The following NPAS1 variants were observed in gnomAD, a reference collection of about 807,000 sequenced individuals.
NPAS1 encodes the protein neuronal PAS domain protein 1.
Under a neutral mutation model 49.2 loss-of-function variants are expected in NPAS1, and 29 were observed. The observed-to-expected ratio is 0.59, with a 90% CI of 0.44 to 0.80. The LOEUF (loss-of-function observed/expected upper bound fraction) is 0.80, where lower values mean the gene tolerates loss of function less well. Ranked by LOEUF, NPAS1 falls within the 30% of genes least tolerant of loss-of-function variation. The pLI, the probability that NPAS1 is intolerant of heterozygous loss-of-function variation, is 0.00. For synonymous variants in NPAS1, 408 were observed against 380.4 expected, an observed-to-expected ratio of 1.07 and a Z score of -0.84; for missense variants, 825 against 835.5, an observed-to-expected ratio of 0.99 and a Z score of 0.15.
At position 47,045,716 on chromosome 19, in the gene NPAS1, G is replaced by A. The variant is rs369741405; in HGVS notation, c.*65G>A. 151 of 1,294,388 alleles carry A rather than the reference G, an allele frequency of 1.2e-4. 3 individuals carry two copies. The South Asian group carries it at 2.1e-3, about 18-fold the overall frequency. 80.2% of individuals were successfully genotyped at this position (1,294,388 alleles called of 1,614,324 possible). On this transcript the variant is annotated 3_prime_UTR_variant, in exon 12 of 12. Transcript: ENST00000602212. Reference sequence around the variant, plus strand: ...GGGGTCCCCCAGGACAGTAGGCCCGGCTCTGCCCGTAGCCCTGAGAATTAA... The same window carrying A: ...GGGGTCCCCCAGGACAGTAGGCCCGACTCTGCCCGTAGCCCTGAGAATTAA...
chr19:47,045,620 C>T lies in NPAS1; in HGVS notation c.1742C>T (p.Ala581Val). 2 of 1,439,840 alleles carry T rather than the reference C, an allele frequency of 1.4e-6. No individual in the cohort carries two copies. Among genetic ancestry groups the T allele is most frequent in the African/African-American group, 1.5e-5 (1 of 67,048 alleles). 89.2% of individuals were successfully genotyped at this position (1,439,840 alleles called of 1,614,324 possible). A position where few individuals can be genotyped will look rare whatever the true frequency, so the allele number is the denominator to read the frequency against. ...CTGGGCCTGCCCTACCCGGGGCCCG[C>T]GGGCACCAGGCTGCCGCGGAAGGGG... ...PPLGLPYPGP[A>V]GTRLPRKGD Residue 581 changes from alanine to valine, a missense_variant, in exon 12 of 12, where the codon GCG (alanine) becomes GTG (valine). Ala to Val is a moderately conservative substitution (Grantham distance 64). Transcript: ENST00000602212.
intron 11 of NPAS1, 52 bp from the exon 12 acceptor site, chr19:47,045,139 G>T: frequency 6.4e-7 from 1 of 1,563,654 alleles, no homozygotes; most frequent in Non-Finnish European, 8.7e-7. Context: ...CCACAGATGG[G>T]AAGACTGAGG....
At chr19:47,041,979 CAAAAAAAAAA>C (rs369320245) in intron 10 of NPAS1, among the ~76,000 whole-genome samples, 18 of 96,128 alleles carry the variant, frequency 1.9e-4, no homozygotes, top group African/African-American at 5.4e-4. Flanking sequence ...GACCCTGTCT[CAAAAAAAAAA>C]AAAAAAAAAA....
At position 47,029,864 on chromosome 19, in the gene NPAS1, G is replaced by A. The variant is rs140844969; in HGVS notation, c.359-2414G>A. Among the ~76,000 whole-genome samples, 203 of 152,276 alleles carry A rather than the reference G, an allele frequency of 1.3e-3. 1 individual carries two copies. The highest frequency in any genetic ancestry group is 4.5e-3 in the African/African-American group (187 of 41,554). ...TACACAGAAGTGGATTTGCTAACTCGTATGATAATTCCATGTTAACTTATT... is the reference window on the plus strand; with the variant it reads ...TACACAGAAGTGGATTTGCTAACTCATATGATAATTCCATGTTAACTTATT... On this transcript the variant is annotated intron_variant, in intron 3 of 11. Transcript: ENST00000602212.
chr19:47,023,592 T>C (rs2056854786), intron 3 of NPAS1, among the ~76,000 whole-genome samples: 1 of 152,072 alleles, frequency 6.6e-6, no homozygotes, highest in South Asian at 2.1e-4. Context: ...GGACAGCATT[T>C]TAGCTGAAGC....
intron 6 of NPAS1, among the ~76,000 whole-genome samples, chr19:47,037,873 G>A (rs955426840): frequency 6.6e-6 from 1 of 152,174 alleles, no homozygotes; most frequent in African/African-American, 2.4e-5. Context: ...CTGGATTTGT[G>A]AGTCTTATTT....
Position 47,021,823 on chromosome 19 carries a change from G to A in NPAS1, c.334G>A (p.Ala112Thr), listed in dbSNP as rs1379040553. 1.3e-6 allele frequency: 2 copies of A among 1,509,722 alleles called. No individual in the cohort carries two copies. The highest frequency in any genetic ancestry group is 1.4e-5 in the African/African-American group (1 of 69,270). 93.5% of individuals were successfully genotyped at this position (1,509,722 alleles called of 1,614,324 possible). A position where few individuals can be genotyped will look rare whatever the true frequency, so the allele number is the denominator to read the frequency against. ...GGGGGCGCCGCCCTGGGGGCTGAGA[G>A]CCGCGGGGCCGCCAGCTGGCCTCGG... ...ALGAPPWGLR[A>T]AGPPAGLAPG... Residue 112 changes from alanine (A) to threonine (T), a missense_variant, in exon 3 of 12, where the codon GCC becomes ACC. Transcript: ENST00000602212. The surrounding 1 kb of genome is among the most constrained non-coding windows in gnomAD (Gnocchi z 5.7).
Position 47,045,056 on chromosome 19 carries a change from AC to A in NPAS1, c.1313-134del, listed in dbSNP as rs1568512659. The A allele has an allele frequency of 2.1e-4, 184 of 862,564 alleles. 3 individuals carry two copies. The African/African-American group carries it at 3.3e-3, about 16-fold the overall frequency. 53.4% of individuals were successfully genotyped at this position (862,564 alleles called of 1,614,324 possible). On this transcript the variant is annotated intron_variant, in intron 11 of 11. Coordinates refer to ENST00000602212, the MANE Select transcript of NPAS1 (RefSeq NM_002517.4). Reference sequence around the variant, plus strand: ...CAAAAAAACAAAAAACAAAAACAAAACAAACAAACAAAAAAAAAAACCCCAC... The same window carrying A: ...CAAAAAAACAAAAAACAAAAACAAAAAAACAAACAAAAAAAAAAACCCCAC...
At position 47,042,817 on chromosome 19, in the gene NPAS1, G is replaced by A. The variant is rs369854355; in HGVS notation, c.1225G>A (p.Glu409Lys). 100 of 1,603,382 alleles carry A rather than the reference G, an allele frequency of 6.2e-5. No individual in the cohort carries two copies. The highest frequency in any genetic ancestry group is 8.3e-5 in the Non-Finnish European group (97 of 1,175,202). ...CATCCATCTTCTCCCCAGCCAAGCCGAGGGTGGCCAAACTCCTTTGGATGC... is the reference window on the plus strand; with the variant it reads ...CATCCATCTTCTCCCCAGCCAAGCCAAGGGTGGCCAAACTCCTTTGGATGC... ...LWVSHVLSQA[E>K]GGQTPLDAFQ... Residue 409 changes from glutamate (E) to lysine (K), a missense_variant, in exon 11 of 12, where the codon GAG becomes AAG. Physicochemically the swap from Glu to Lys is moderately conservative, Grantham distance 56. Transcript: ENST00000602212.
In NPAS1 at chr19:47,040,558, C is replaced by T; in HGVS notation, c.1069+8C>T. On this transcript the variant is annotated splice_region_variant and intron_variant, in intron 9 of 11. Coordinates refer to ENST00000602212, the MANE Select transcript of NPAS1 (RefSeq NM_002517.4). ...GCCAGAGCCACGTGGACTGTGAGAC[C>T]CACCTCCACCCACCAAGCCTGCCTA... 6.5e-7 allele frequency: 1 copy of T among 1,542,262 alleles called. No individual in the cohort carries two copies. The highest frequency in any genetic ancestry group is 8.8e-7 in the Non-Finnish European group (1 of 1,134,356).
At chr19:47,032,210 G>T (rs2056910343) in intron 3 of NPAS1, 68 bp from the exon 4 acceptor site, 3 of 1,437,382 alleles carry the variant, frequency 2.1e-6, no homozygotes, top group African/African-American at 1.4e-5. Flanking sequence ...TTGTAGACTG[G>T]CTCCCGGGGG....
rs761857016 is a variant in NPAS1 at position 47,021,194 on chromosome 19, C to G, written c.122+25C>G. 1.3e-6 allele frequency: 2 copies of G among 1,497,612 alleles called. No homozygotes were observed. Among genetic ancestry groups the G allele is most frequent in the Admixed American group, 2.3e-5 (1 of 43,806 alleles). The allele number at this position is 1,497,612 out of a possible 1,614,324, so 92.8% of individuals were successfully genotyped here. ...GGTGAGCAAAGCCCCGCCCCCCTGG[C>G]CGCGGGCCCCCCCCCGGGTCCAATT... On this transcript the variant is annotated intron_variant, in intron 2 of 11. Transcript: ENST00000602212. The surrounding 1 kb of genome is among the most constrained non-coding windows in gnomAD (Gnocchi z 5.7).
At chr19:47,024,371 C>T (rs976847079) in intron 3 of NPAS1, among the ~76,000 whole-genome samples, 2 of 152,178 alleles carry the variant, frequency 1.3e-5, no homozygotes, top group Middle Eastern at 6.8e-3. Flanking sequence ...ACTTTCTTGG[C>T]CGGGTGCGGT....
At chr19:47,042,142 C>A (rs972630043) in intron 10 of NPAS1, among the ~76,000 whole-genome samples, 1 of 152,080 alleles carries the variant, frequency 6.6e-6, no homozygotes, top group Non-Finnish European at 1.5e-5. Flanking sequence ...CTCATCTCTA[C>A]TAAAAATTTA....
intron 5 of NPAS1, among the ~76,000 whole-genome samples, chr19:47,034,798 C>T (rs1206212821): frequency 1.3e-5 from 2 of 152,224 alleles, no homozygotes; most frequent in African/African-American, 4.8e-5. Context: ...ATCACTTGAA[C>T]CCAGGAGGCA....
chr19:47,032,209 G>C, intron 3 of NPAS1, 69 bp from the exon 4 acceptor site: 1 of 1,425,934 alleles, frequency 7.0e-7, no homozygotes, highest in Non-Finnish European at 9.8e-7. Context: ...TTTGTAGACT[G>C]GCTCCCGGGG....
At position 47,042,923 on chromosome 19, in the gene NPAS1, C is replaced by T. The variant is rs371750907; in HGVS notation, c.1312+19C>T. ...CCCACAGGTGAGCCCCACCTCCCAC[C>T]TTGGCCCCTGGGAAGCTCCAAGGAA... On this transcript the variant is annotated intron_variant, in intron 11 of 11. Transcript: ENST00000602212. The T allele has an allele frequency of 6.5e-6, 10 of 1,544,164 alleles. No individual in the cohort carries two copies. The African/African-American group carries it at 1.2e-4, about 19-fold the overall frequency.
rs746867488 is a variant in NPAS1 at position 47,045,294 on chromosome 19, C to T, written c.1416C>T (p.Thr472=). 4.3e-6 allele frequency: 7 copies of T among 1,614,074 alleles called. No homozygotes were observed. Among genetic ancestry groups the T allele is most frequent in the Non-Finnish European group, 5.9e-6 (7 of 1,180,016 alleles). ...RIKVEPGPRE[T]KGSEDSGDED... ...AAGTGGAGCCCGGCCCGAGGGAAAC[C>T]AAAGGCTCCGAGGACAGTGGCGACG... The change falls in exon 12 of 12, where the codon ACC becomes ACT. Residue 472 remains threonine, a synonymous_variant. Coordinates refer to ENST00000602212, the MANE Select transcript of NPAS1 (RefSeq NM_002517.4).
rs1041200118 is a variant in NPAS1, at chr19:47,037,553, C to T, written c.688+1424C>T. Among the ~76,000 whole-genome samples, 26 of 152,052 alleles carry T rather than the reference C, an allele frequency of 1.7e-4. 1 individual carries two copies. Among genetic ancestry groups the T allele is most frequent in the Non-Finnish European group, 2.8e-4 (19 of 67,978 alleles). ...GGGTCAGCACGCCTAACCCTTCTCT[C>T]CAGTGGAAATTTCCACTCCCACTGT... On this transcript the variant is annotated intron_variant, in intron 6 of 11. Coordinates refer to ENST00000602212, the MANE Select transcript of NPAS1 (RefSeq NM_002517.4).
Sources: allele counts gnomAD v4.1 joint callset (sites outside exome capture counted in the v4.1 genomes callset), GRCh38; gene constraint gnomAD v4.1.1; non-coding constraint Gnocchi (gnomAD v3.1); transcripts MANE v1.5; gene names NCBI Gene and HGNC (gene_info 2026-07-23, HGNC 2026-07-21).